Variants in GLI4 observed in about 807,000 individuals in gnomAD.
The protein encoded by GLI4 is GLI family zinc finger 4, also known as zinc finger protein GLI4.
Under a neutral mutation model 30.9 loss-of-function variants are expected in GLI4, and 34 were observed. The observed-to-expected ratio is 1.10, with a 90% CI of 0.84 to 1.47. GLI4 has a LOEUF of 1.47. Among genes scored for constraint, GLI4 ranks in the 40% most tolerant of loss-of-function variants. The pLI, the probability that GLI4 is intolerant of heterozygous loss-of-function variation, is 0.00. For missense variants in GLI4, 696 were observed against 538.9 expected (o/e 1.29, Z -2.89); for synonymous variants, 277 against 236.7 (o/e 1.17, Z -1.56).
intron 3 of GLI4, chr8:143,275,270 C>T: frequency 2.0e-6 from 3 of 1,508,734 alleles, no homozygotes; most frequent in East Asian, 2.5e-5. Context: ...CCAGGGTTCC[C>T]TCTGGGCGAT....
At position 143,276,350 on chromosome 8, in the gene GLI4, T is replaced by C; in HGVS notation, c.677T>C (p.Phe226Ser). 1 of 1,610,000 alleles carries C rather than the reference T, an allele frequency of 6.2e-7. No homozygotes were observed. The highest frequency in any genetic ancestry group is 8.5e-7 in the Non-Finnish European group (1 of 1,178,992). The change falls in exon 4 of 4, where the codon TTC becomes TCC. Residue 226 changes from phenylalanine to serine, a missense_variant. Coordinates refer to ENST00000340042, the MANE Select transcript of GLI4 (RefSeq NM_138465.4). ...AAGCGCTTCCGCGGCTGGTCGGGCT[T>C]CATCCAGCACCACCGCATCCACACG... ...CGKRFRGWSG[F>S]IQHHRIHTGE...
chr8:143,267,539 C>A, intron 1 of GLI4, 55 bp downstream of exon 1: 1 of 985,618 alleles, frequency 1.0e-6, no homozygotes, highest in Admixed American at 6.1e-5. Context: ...CAGCCCAGTC[C>A]GAGCTCGTGC....
intron 1 of GLI4, among the ~76,000 whole-genome samples, chr8:143,269,137 C>G (rs1815209916): frequency 6.6e-6 from 1 of 152,186 alleles, no homozygotes; most frequent in African/African-American, 2.4e-5. Flanking sequence ...CCACCGTCCC[C>G]AGCCACTCAA....
intron 3 of GLI4, chr8:143,275,268 C>T (rs1470234124): frequency 2.0e-6 from 3 of 1,509,024 alleles, no homozygotes; most frequent in Non-Finnish European, 2.7e-6. Context: ...TCCCAGGGTT[C>T]CCTCTGGGCG....
chr8:143,274,568 G>A (rs1370136548), intron 2 of GLI4, 136 bp from the exon 3 acceptor site: 9 of 764,620 alleles, frequency 1.2e-5, no homozygotes, highest in Admixed American at 6.7e-5. Flanking sequence ...CCCAAGCAGC[G>A]GGCCTGCTGT....
rs1463208363 is a variant in GLI4 at position 143,275,911 on chromosome 8, C to G, written c.238C>G (p.Pro80Ala). 1.5e-6 allele frequency: 2 copies of G among 1,297,788 alleles called. No homozygotes were observed. Among genetic ancestry groups the G allele is most frequent in the African/African-American group, 3.1e-5 (2 of 65,244 alleles). The allele number at this position is 1,297,788 out of a possible 1,614,324, so 80.4% of individuals were successfully genotyped here. The change falls in exon 4 of 4, where the codon CCG (proline) becomes GCG (alanine). Residue 80 changes from proline to alanine, a missense_variant. By Grantham distance (27) the Pro-to-Ala change is conservative. Transcript: ENST00000340042. ...DTFWPDSEPK[P>A]EQAPRSPGSQ... ...TCTCATTTCAGACTCCGAGCCCAAG[C>G]CGGAGCAGGCTCCACGCTCTCCTGG...
At position 143,274,734 on chromosome 8, in the gene GLI4, C is replaced by A; in HGVS notation, c.155C>A (p.Ser52Tyr). The A allele has an allele frequency of 6.4e-7, 1 of 1,567,384 alleles. No homozygotes were observed. The highest frequency in any genetic ancestry group is 8.7e-7 in the Non-Finnish European group (1 of 1,154,660). ...GSPGSSPKVL[S>Y]QPSDLDLQDV... ...CCTGGCTCCAGCCCTAAGGTGCTCT[C>A]CCAGCCGTCCGACCTGGATCTCCAA... The change falls in exon 3 of 4, where the codon TCC becomes TAC. Residue 52 changes from serine to tyrosine, a missense_variant. Physicochemically the swap from Ser to Tyr is moderately radical, Grantham distance 144. Transcript: ENST00000340042.
At chr8:143,271,379 G>T (rs988187695) in intron 2 of GLI4, among the ~76,000 whole-genome samples, 2 of 152,202 alleles carry the variant, frequency 1.3e-5, no homozygotes, top group East Asian at 3.9e-4. Flanking sequence ...GAGAGAACGG[G>T]GCCAGGCCGC....
At position 143,276,767 on chromosome 8, in the gene GLI4, A is replaced by T; in HGVS notation, c.1094A>T (p.Gln365Leu). ...GGCAAGGCCTTCGGCCAGAGCTCCC[A>T]GCTCATCCAGCACCAGCGGGTGCAC... ...ACGKAFGQSSQLIQHQRVHYR... is the reference protein window; with the variant it reads ...ACGKAFGQSSLLIQHQRVHYR... The change falls in exon 4 of 4, where the codon CAG (glutamine) becomes CTG (leucine). Residue 365 changes from glutamine (Q) to leucine (L), a missense_variant. Coordinates refer to ENST00000340042, the MANE Select transcript of GLI4 (RefSeq NM_138465.4). 1 of 1,598,620 alleles carries T rather than the reference A, an allele frequency of 6.3e-7. No homozygotes were observed. Among genetic ancestry groups the T allele is most frequent in the South Asian group, 1.1e-5 (1 of 90,076 alleles).
rs370794277 is a variant in GLI4, at chr8:143,276,358, C to T, written c.685C>T (p.His229Tyr). Residue 229 changes from histidine to tyrosine, a missense_variant, in exon 4 of 4, where the codon CAC becomes TAC. Physicochemically the swap from His to Tyr is moderately conservative, Grantham distance 83. Transcript: ENST00000340042. ...CCGCGGCTGGTCGGGCTTCATCCAG[C>T]ACCACCGCATCCACACGGGCGAGAA... ...RFRGWSGFIQ[H>Y]HRIHTGEKPY... is the part of the protein sequence containing the mutation. 1.6e-5 allele frequency: 26 copies of T among 1,611,478 alleles called. No homozygotes were observed. The African/African-American group carries it at 3.2e-4, about 20-fold the overall frequency.
Position 143,276,421 on chromosome 8 carries a change from C to G in GLI4, c.748C>G (p.His250Asp). ...CGGCCAGTGCGGCCGCGCCTTCAGC[C>G]ACAGCTCGCACTTCACGCAGCACCT... ...ECGQCGRAFS[H>D]SSHFTQHLRI... Residue 250 changes from histidine (H) to aspartate (D), a missense_variant, in exon 4 of 4, where the codon CAC becomes GAC. By Grantham distance (81) the His-to-Asp change is moderately conservative. Transcript: ENST00000340042. 6.2e-7 allele frequency: 1 copy of G among 1,611,898 alleles called. No individual in the cohort carries two copies. The highest frequency in any genetic ancestry group is 8.5e-7 in the Non-Finnish European group (1 of 1,179,540).
chr8:143,270,663 G>A (rs1029171043), intron 2 of GLI4, among the ~76,000 whole-genome samples: 6 of 152,196 alleles, frequency 3.9e-5, no homozygotes, highest in African/African-American at 1.4e-4. Flanking sequence ...GCCCTCTCAT[G>A]TCATCTGTAC....
intron 2 of GLI4, among the ~76,000 whole-genome samples, chr8:143,274,011 C>T (rs1314069948): frequency 1.3e-5 from 2 of 152,236 alleles, no homozygotes; most frequent in African/African-American, 2.4e-5. Flanking sequence ...TCAGTCTGTG[C>T]TCCTTGAGCA....
At chr8:143,275,141 TC>T (rs561900379) in intron 3 of GLI4, 3 of 1,535,304 alleles carry the variant, frequency 2.0e-6, no homozygotes. Context: ...GGCACCACTG[TC>T]CCCCCAGATC....
intron 2 of GLI4, among the ~76,000 whole-genome samples, chr8:143,270,127 GC>G (rs1289468695): frequency 1.3e-5 from 2 of 152,250 alleles, no homozygotes; most frequent in African/African-American, 2.4e-5. Context: ...GGCCCTCGTG[GC>G]CCAACCCAGC....
chr8:143,268,939 T>G (rs4357304), intron 1 of GLI4, among the ~76,000 whole-genome samples: 132,676 of 152,176 alleles, frequency 0.87, 57,947 homozygotes, highest in African/African-American at 0.93. Flanking sequence ...CACCTCCTGA[T>G]TTCAAGCTGT....
At chr8:143,273,558 G>T (rs1815315487) in intron 2 of GLI4, among the ~76,000 whole-genome samples, 1 of 151,886 alleles carries the variant, frequency 6.6e-6, no homozygotes, top group South Asian at 2.1e-4. Context: ...GGTGGGCCAA[G>T]CTGGTCACCC....
chr8:143,268,144 C>T (rs1815179755), intron 1 of GLI4: 1 of 953,536 alleles, frequency 1.0e-6, no homozygotes, highest in African/African-American at 1.8e-5. Context: ...GGTGGAGGAC[C>T]TGCACCCAGT....
chr8:143,274,780 C>A lies in GLI4; in HGVS notation c.201C>A (p.Ile67=), dbSNP rs760771530. 3.8e-6 allele frequency: 6 copies of A among 1,567,428 alleles called. No individual in the cohort carries two copies. The highest frequency in any genetic ancestry group is 5.2e-6 in the Non-Finnish European group (6 of 1,153,784). ...LDLQDVEEVE[I]GRDTFWPDSE... ...TCCAAGACGTAGAGGAAGTGGAGAT[C>A]GGCAGAGACACCTTCTGGCCCGGTG... The change falls in exon 3 of 4, where the codon ATC becomes ATA. Residue 67 remains isoleucine (I), a synonymous_variant. Coordinates refer to ENST00000340042, the MANE Select transcript of GLI4 (RefSeq NM_138465.4).
Sources: gnomAD v4.1 joint callset for allele counts (sites outside exome capture counted in the v4.1 genomes callset) on GRCh38, gnomAD v4.1.1 for gene constraint, MANE v1.5 for transcripts, NCBI Gene and HGNC (gene_info 2026-07-23, HGNC 2026-07-21) for gene names.